The following PPAT variants were observed in gnomAD, a reference collection of about 807,000 sequenced individuals.
PPAT encodes phosphoribosyl pyrophosphate amidotransferase, also known as amidophosphoribosyltransferase.
A neutral mutation model predicts 60.2 loss-of-function variants in PPAT; 20 were observed. The observed-to-expected ratio is 0.33, with a 90% CI of 0.23 to 0.48. The LOEUF (loss-of-function observed/expected upper bound fraction) is 0.48, where lower values mean the gene tolerates loss of function less well. Among genes scored for constraint, PPAT ranks in the 20% least tolerant of loss-of-function variants. The probability of loss-of-function intolerance (pLI) is 0.99; values close to 1 mark genes in which losing one functional copy is unlikely to be tolerated. For missense variants in PPAT, 349 were observed against 629.6 expected, an observed-to-expected ratio of 0.55 and a Z score of 4.77; for synonymous variants, 194 against 215.1, an observed-to-expected ratio of 0.90 and a Z score of 0.86.
intron 1 of PPAT, among the ~76,000 whole-genome samples, chr4:56,410,344 A>T (rs1459209323): frequency 2.6e-5 from 4 of 152,206 alleles, no homozygotes; most frequent in Non-Finnish European, 2.9e-5. Flanking sequence ...AGGCTTCTTT[A>T]ATCACAAAGC....
chr4:56,400,829 A>G lies in PPAT; in HGVS notation c.969T>C (p.Thr323=), dbSNP rs145906060. ...EAPVDADLVS[T]VPESATPAAL... ...CAGCAGGCGTAGCAGATTCTGGAACAGTGCTAACCAAATCTGCATCCACAG... is the reference window on the plus strand; with the variant it reads ...CAGCAGGCGTAGCAGATTCTGGAACGGTGCTAACCAAATCTGCATCCACAG... The change falls in exon 8 of 11, where the codon ACT becomes ACC. Residue 323 remains threonine, a synonymous_variant. Transcript: ENST00000264220. 155 of 1,613,952 alleles carry G rather than the reference A, an allele frequency of 9.6e-5. No homozygotes were observed. In the Middle Eastern group the frequency reaches 1.3e-3, roughly 14 times the overall value.
In PPAT at chr4:56,403,398, G is replaced by A; in HGVS notation, c.406C>T (p.Leu136=). 6.2e-7 allele frequency: 1 copy of A among 1,608,494 alleles called. No individual in the cohort carries two copies. Among genetic ancestry groups the A allele is most frequent in the Non-Finnish European group, 8.5e-7 (1 of 1,176,298 alleles). The part of the protein sequence containing the change: ...VNAARLRKKL[L]RHGIGLSTSS... ...GTAGACAGACCAATACCATGACGCA[G>A]AAGCTATATAGAAAAAAAGAGAAGT... The change falls in exon 4 of 11, where the codon CTG becomes TTG. Residue 136 remains leucine (L), a synonymous_variant. Coordinates refer to ENST00000264220, the MANE Select transcript of PPAT (RefSeq NM_002703.5).
chr4:56,419,903 A>C, intron 1 of PPAT: 5 of 984,488 alleles, frequency 5.1e-6, no homozygotes, highest in Non-Finnish European at 6.0e-6. Context: ...CTCAAGATCT[A>C]GGCATGACTA....
chr4:56,406,804 A>G (rs1716253452), intron 2 of PPAT, 103 bp from the exon 3 acceptor site: 2 of 768,912 alleles, frequency 2.6e-6, no homozygotes, highest in Admixed American at 2.7e-5. Flanking sequence ...ACAAAGAAGT[A>G]CATTTAATAT....
intron 1 of PPAT, among the ~76,000 whole-genome samples, chr4:56,424,983 G>A (rs1241584913): frequency 6.6e-6 from 1 of 152,148 alleles, no homozygotes; most frequent in Non-Finnish European, 1.5e-5. Flanking sequence ...AGGAGGTCAC[G>A]CTGATCTTCA....
chr4:56,410,479 G>C (rs1225313179), intron 1 of PPAT: 1 of 981,380 alleles, frequency 1.0e-6, no homozygotes, highest in Non-Finnish European at 1.2e-6. Flanking sequence ...CAAAACCTTG[G>C]CTGGAAATAG....
intron 1 of PPAT, among the ~76,000 whole-genome samples, chr4:56,417,620 A>C (rs1716826761): frequency 6.6e-6 from 1 of 152,060 alleles, no homozygotes. Flanking sequence ...ATGCCTAAAA[A>C]AATTATTAAA....
chr4:56,404,441 A>G (rs1043188502), intron 3 of PPAT, among the ~76,000 whole-genome samples: 17 of 152,210 alleles, frequency 1.1e-4, no homozygotes, highest in Non-Finnish European at 2.1e-4. Flanking sequence ...ATATCGCTTG[A>G]GTGTACTCTA....
intron 1 of PPAT, among the ~76,000 whole-genome samples, chr4:56,414,081 G>A (rs1409225236): frequency 6.6e-6 from 1 of 152,058 alleles, no homozygotes; most frequent in East Asian, 1.9e-4. Flanking sequence ...AAATTTGCAT[G>A]ATTTTCTTGC....
Position 56,435,594 on chromosome 4 carries a change from C to G in PPAT, c.-117G>C, listed in dbSNP as rs541461683. 7 of 1,553,818 alleles carry G rather than the reference C, an allele frequency of 4.5e-6. No individual in the cohort carries two copies. In the East Asian group the frequency reaches 1.6e-4, roughly 35 times the overall value. ...TCGCGCTCGCGACAGGCTCTTCCTT[C>G]CCGAGGGTGGCCCCAGCTACTGCGG... On this transcript the variant is annotated 5_prime_UTR_variant, in exon 1 of 11. Transcript: ENST00000264220.
chr4:56,410,420 T>C (rs192913829), intron 1 of PPAT: 20 of 580,184 alleles, frequency 3.4e-5, no homozygotes, highest in African/African-American at 3.2e-4. Context: ...CTACATCCTT[T>C]CAGCTCTTCG....
chr4:56,430,218 T>C (rs1717510503), intron 1 of PPAT, among the ~76,000 whole-genome samples: 1 of 152,240 alleles, frequency 6.6e-6, no homozygotes, highest in Non-Finnish European at 1.5e-5. Context: ...TCAATGGACA[T>C]ATGTATGCAT....
At chr4:56,410,838 A>T (rs2110044130) in intron 1 of PPAT, 2 of 982,498 alleles carry the variant, frequency 2.0e-6, no homozygotes, top group Middle Eastern at 2.8e-4. Context: ...ACAGAGGAAG[A>T]TGCAAATGGC....
intron 1 of PPAT, among the ~76,000 whole-genome samples, chr4:56,412,238 C>T (rs938307198): frequency 1.3e-5 from 2 of 152,000 alleles, no homozygotes; most frequent in Admixed American, 6.6e-5. Context: ...ACTATCCTTA[C>T]AACATAACTA....
chr4:56,402,229 A>T, intron 5 of PPAT, 48 bp from the exon 6 acceptor site: 1 of 1,427,032 alleles, frequency 7.0e-7, no homozygotes, highest in Non-Finnish European at 9.8e-7. Context: ...AAATTTTAAG[A>T]GGCTATTTCA....
intron 2 of PPAT, 57 bp downstream of exon 2, chr4:56,407,593 C>T: frequency 7.1e-7 from 1 of 1,403,272 alleles, no homozygotes; most frequent in Non-Finnish European, 1.0e-6. Flanking sequence ...CCTGGGATTA[C>T]AGGCATGAAC....
chr4:56,411,516 C>T (rs904036514), intron 1 of PPAT, among the ~76,000 whole-genome samples: 1 of 152,182 alleles, frequency 6.6e-6, no homozygotes, highest in Non-Finnish European at 1.5e-5. Flanking sequence ...TCTTGACGTG[C>T]TGTGTTGTTA....
At chr4:56,404,900 T>A (rs1006767301) in intron 3 of PPAT, among the ~76,000 whole-genome samples, 1 of 152,164 alleles carries the variant, frequency 6.6e-6, no homozygotes, top group Non-Finnish European at 1.5e-5. Flanking sequence ...GTTCATCATA[T>A]GTGAATTGCC....
chr4:56,427,922 C>A (rs1206055655), intron 1 of PPAT, among the ~76,000 whole-genome samples: 1 of 152,098 alleles, frequency 6.6e-6, no homozygotes, highest in African/African-American at 2.4e-5. Flanking sequence ...GTAGAGAATA[C>A]AGTAGAGAAA....
Sources: gnomAD v4.1 joint callset for allele counts (sites outside exome capture counted in the v4.1 genomes callset) on GRCh38, gnomAD v4.1.1 for gene constraint, MANE v1.5 for transcripts, NCBI Gene and HGNC (gene_info 2026-07-23, HGNC 2026-07-21) for gene names.